Variants in SRPK2 observed in about 807,000 individuals in gnomAD.
SRPK2 encodes SRSF protein kinase 2, also known as SFRS protein kinase 2.
A neutral mutation model predicts 90.8 loss-of-function variants in SRPK2; 21 were observed. That is an observed-to-expected ratio of 0.23 (90% CI 0.16 to 0.33). The LOEUF (loss-of-function observed/expected upper bound fraction) is 0.33, where lower values mean the gene tolerates loss of function less well. Among genes scored for constraint, SRPK2 ranks in the 10% least tolerant of loss-of-function variants. The pLI, the probability that SRPK2 is intolerant of heterozygous loss-of-function variation, is 1.00. For missense variants in SRPK2, 620 were observed against 869.0 expected (o/e 0.71, Z 3.60); for synonymous variants, 288 against 311.1 (o/e 0.93, Z 0.78).
chr7:105,142,392 T>A lies in SRPK2; in HGVS notation c.1159A>T (p.Thr387Ser). 1.2e-6 allele frequency: 2 copies of A among 1,614,150 alleles called. No homozygotes were observed. The highest frequency in any genetic ancestry group is 1.1e-5 in the South Asian group (1 of 91,076). The change falls in exon 11 of 16, where the codon ACG (threonine) becomes TCG (serine). Residue 387 changes from threonine to serine, a missense_variant. Coordinates refer to ENST00000393651, the MANE Select transcript of SRPK2 (RefSeq NM_182692.3). ...TTGGTTTTAGGTGATTCTATCCACGTAGGGTCTATGTTCGCAAGTTCCTGA... is the reference window on the plus strand; with the variant it reads ...TTGGTTTTAGGTGATTCTATCCACGAAGGGTCTATGTTCGCAAGTTCCTGA... ...VDQELANIDP[T>S]WIESPKTNGH...
intron 3 of SRPK2, among the ~76,000 whole-genome samples, chr7:105,170,670 G>A (rs754748697): frequency 6.0e-5 from 9 of 149,520 alleles, no homozygotes; most frequent in Non-Finnish European, 1.3e-4. Flanking sequence ...CTCCAGCCTG[G>A]GTTACAGAGT....
chr7:105,221,050 C>T (rs1213958090), intron 2 of SRPK2, among the ~76,000 whole-genome samples: 1 of 152,152 alleles, frequency 6.6e-6, no homozygotes, highest in African/African-American at 2.4e-5. Flanking sequence ...TGTGAGCTAA[C>T]TGGTCTAATA....
intron 7 of SRPK2, among the ~76,000 whole-genome samples, chr7:105,157,425 GAGAA>G (rs1806673686): frequency 6.6e-6 from 1 of 152,152 alleles, no homozygotes; most frequent in Non-Finnish European, 1.5e-5. Context: ...TACTACCCGG[GAGAA>G]AGAAATACTG....
chr7:105,386,260 G>C (rs1461250968), intron 2 of SRPK2, among the ~76,000 whole-genome samples: 2 of 146,450 alleles, frequency 1.4e-5, no homozygotes, highest in Non-Finnish European at 3.0e-5. Flanking sequence ...CTTGCAGTGA[G>C]CCGAGATCGC....
Position 105,244,944 on chromosome 7 carries a change from A to G in SRPK2, c.72-41159T>C, listed in dbSNP as rs556858973. ...GCAAAGCAACGTCCTGGCCGCCATG[A>G]GGAAAGCCGCTGCCAAGAAAGACTG... On this transcript the variant is annotated intron_variant, in intron 2 of 15. Transcript: ENST00000393651. The G allele has an allele frequency of 7.1e-4, 1,037 of 1,470,190 alleles. 8 individuals carry two copies. The highest frequency in any genetic ancestry group is 1.5e-4 in the Non-Finnish European group (164 of 1,064,252). 91.1% of individuals were successfully genotyped at this position (1,470,190 alleles called of 1,614,324 possible).
chr7:105,390,239 T>C (rs919409793), upstream of SRPK2, among the ~76,000 whole-genome samples: 4 of 152,182 alleles, frequency 2.6e-5, no homozygotes, highest in Admixed American at 2.0e-4. Flanking sequence ...TAATACAATG[T>C]AATCATCTGT....
rs781611365 is a variant in SRPK2, at chr7:105,143,374, G to C, written c.814-44C>G. The C allele has an allele frequency of 1.8e-4, 285 of 1,587,176 alleles. 4 individuals carry two copies. The Admixed American group carries it at 5.1e-3, about 28-fold the overall frequency. On this transcript the variant is annotated intron_variant, in intron 9 of 15. Transcript: ENST00000393651. ...ACAGGTCAGTATTCTTCTTTTTAAAGCACCACGATAGTATAACGACTAGCA... is the reference window on the plus strand; with the variant it reads ...ACAGGTCAGTATTCTTCTTTTTAAACCACCACGATAGTATAACGACTAGCA...
intron 2 of SRPK2, among the ~76,000 whole-genome samples, chr7:105,300,453 A>G (rs1253472224): frequency 1.3e-5 from 2 of 152,192 alleles, no homozygotes; most frequent in African/African-American, 4.8e-5. Context: ...GAATAGCCAC[A>G]GGAGGAATGT....
At chr7:105,357,232 G>A (rs1193018991) in intron 2 of SRPK2, among the ~76,000 whole-genome samples, 1 of 151,884 alleles carries the variant, frequency 6.6e-6, no homozygotes. Context: ...GTAGAGATGG[G>A]GTTTCACTGT....
At chr7:105,149,234 A>G (rs943696246) in intron 7 of SRPK2, among the ~76,000 whole-genome samples, 4 of 152,208 alleles carry the variant, frequency 2.6e-5, no homozygotes, top group African/African-American at 4.8e-5. Context: ...AGATGAGAGA[A>G]AAACCGCCCT....
intron 11 of SRPK2, among the ~76,000 whole-genome samples, chr7:105,141,600 T>A (rs1803784326): frequency 6.6e-6 from 1 of 151,838 alleles, no homozygotes; most frequent in Non-Finnish European, 1.5e-5. Flanking sequence ...CTCAATAGAG[T>A]CAAAGAGGAG....
At chr7:105,389,013 C>T (rs1431610528), upstream of SRPK2, 254 of 987,150 alleles carry the variant, frequency 2.6e-4, no homozygotes, top group African/African-American at 4.3e-3. Flanking sequence ...CCGCCGGCCC[C>T]GGGGGTCGGG....
At chr7:105,165,754 C>T (rs887057661) in intron 6 of SRPK2, among the ~76,000 whole-genome samples, 2 of 152,204 alleles carry the variant, frequency 1.3e-5, no homozygotes, top group Admixed American at 6.5e-5. Flanking sequence ...AGCTGGCCAC[C>T]CGAACCAGCA....
At chr7:105,162,128 A>G (rs147323280) in intron 6 of SRPK2, among the ~76,000 whole-genome samples, 106 of 152,124 alleles carry the variant, frequency 7.0e-4, no homozygotes, top group African/African-American at 2.4e-3. Context: ...TGCAACCTCC[A>G]CCTCCTGGGT....
intron 2 of SRPK2, chr7:105,204,745 G>C: frequency 1.6e-6 from 1 of 639,256 alleles, no homozygotes; most frequent in Non-Finnish European, 2.8e-6. Context: ...TCTGGTTCTG[G>C]TCAAGCAAAA....
intron 10 of SRPK2, among the ~76,000 whole-genome samples, chr7:105,142,865 T>C (rs1306819406): frequency 6.6e-6 from 1 of 152,276 alleles, no homozygotes; most frequent in Non-Finnish European, 1.5e-5. Context: ...TCAATTATTT[T>C]ACATTTTTAA....
rs553918888 is a variant in SRPK2 at position 105,258,360 on chromosome 7, T to A, written c.72-54575A>T. On this transcript the variant is annotated intron_variant, in intron 2 of 15. Transcript: ENST00000393651. ...TGAACCCGGGAGGCAGAGGTAATAG[T>A]GAGCCGAGATCATGCCATTGCACTC... Among the ~76,000 whole-genome samples the A allele has an allele frequency of 4.2e-5, 6 of 141,312 alleles. No homozygotes were observed. In the South Asian group the frequency reaches 1.1e-3, roughly 26 times the overall value. 92.7% of individuals were successfully genotyped at this position (141,312 alleles called of 152,430 possible). A position where few individuals can be genotyped will look rare whatever the true frequency, so the allele number is the denominator to read the frequency against.
downstream of SRPK2, among the ~76,000 whole-genome samples, chr7:105,114,870 G>A (rs557763008): frequency 1.3e-5 from 2 of 152,136 alleles, no homozygotes; most frequent in African/African-American, 2.4e-5. Flanking sequence ...GGCCAAGTTT[G>A]CCATCCTCAA....
intron 2 of SRPK2, among the ~76,000 whole-genome samples, chr7:105,251,456 G>A (rs1282533989): frequency 6.6e-6 from 1 of 152,026 alleles, no homozygotes. Context: ...CTCCTGCCTT[G>A]GCCTCCCAAA....
Sources: gnomAD v4.1 joint callset for allele counts (sites outside exome capture counted in the v4.1 genomes callset) on GRCh38, gnomAD v4.1.1 for gene constraint, MANE v1.5 for transcripts, NCBI Gene and HGNC (gene_info 2026-07-23, HGNC 2026-07-21) for gene names.